MAP3K2: variants seen among roughly 807,000 people sequenced by gnomAD.
MAP3K2 encodes MAP/ERK kinase kinase 2.
Under a neutral mutation model 80.3 loss-of-function variants are expected in MAP3K2, and 24 were observed. That is an observed-to-expected ratio of 0.30 (90% confidence interval 0.22 to 0.42). The LOEUF is 0.42. Ranked by LOEUF, MAP3K2 falls within the 10% of genes least tolerant of loss-of-function variation. The pLI, the probability that MAP3K2 is intolerant of heterozygous loss-of-function variation, is 1.00. For synonymous variants in MAP3K2, 244 were observed against 253.7 expected (o/e 0.96, Z 0.36); for missense variants, 608 against 750.1 (o/e 0.81, Z 2.21).
rs1453688198 is a variant in MAP3K2, at chr2:127,340,062, AT to A, written c.5-1013del. Among the ~76,000 whole-genome samples, 4 of 152,280 alleles carry A rather than the reference AT, an allele frequency of 2.6e-5. No individual in the cohort carries two copies. The South Asian group carries it at 8.3e-4, about 32-fold the overall frequency. On this transcript the variant is annotated intron_variant, in intron 2 of 16. Transcript: ENST00000682094. ...AACAGCTGACTTCTCTAATTTACTA[AT>A]TTTTAATAACACTTAATATAGTCTA...
At chr2:127,330,061 C>T (rs1573987303) in intron 6 of MAP3K2, 53 bp from the exon 7 acceptor site, 1 of 1,020,774 alleles carries the variant, frequency 9.8e-7, no homozygotes. Context: ...GGGCTTTAAA[C>T]AGAATCCTCT....
chr2:127,357,073 A>G (rs1686809838), intron 1 of MAP3K2, among the ~76,000 whole-genome samples: 1 of 152,248 alleles, frequency 6.6e-6, no homozygotes, highest in South Asian at 2.1e-4. Flanking sequence ...GGCAAAGGAC[A>G]TGAACAGACA....
chr2:127,368,305 G>A (rs1299634711), intron 1 of MAP3K2, among the ~76,000 whole-genome samples: 2 of 145,874 alleles, frequency 1.4e-5, no homozygotes, highest in Non-Finnish European at 3.0e-5. Flanking sequence ...CTGGGTGACA[G>A]AACAAGACAC....
intron 5 of MAP3K2, among the ~76,000 whole-genome samples, chr2:127,331,209 T>A (rs1046494484): frequency 3.3e-5 from 5 of 152,184 alleles, no homozygotes; most frequent in African/African-American, 1.2e-4. Context: ...TGAGAAAAAG[T>A]GTAATTCATA....
chr2:127,374,513 C>T (rs550155074), intron 1 of MAP3K2, among the ~76,000 whole-genome samples: 57 of 152,292 alleles, frequency 3.7e-4, no homozygotes, highest in Middle Eastern at 3.4e-3. Flanking sequence ...AAACAAATTA[C>T]CCTACAATGC....
intron 1 of MAP3K2, among the ~76,000 whole-genome samples, chr2:127,377,467 T>C (rs754395919): frequency 5.2e-4 from 79 of 152,068 alleles, no homozygotes; most frequent in African/African-American, 1.6e-3. Flanking sequence ...ATATATGTAT[T>C]CCAGTGCGTA....
At chr2:127,329,576 C>T (rs376580630) in intron 7 of MAP3K2, among the ~76,000 whole-genome samples, 100 of 152,186 alleles carry the variant, frequency 6.6e-4, no homozygotes, top group African/African-American at 2.3e-3. Context: ...AGGATGGTCT[C>T]GATCTCTTGA....
intron 1 of MAP3K2, among the ~76,000 whole-genome samples, chr2:127,353,347 C>T (rs1381585316): frequency 2.0e-5 from 3 of 151,230 alleles, no homozygotes; most frequent in African/African-American, 4.9e-5. Context: ...TCCGCCCGGC[C>T]GTGACCCCGT....
chr2:127,352,989 G>A (rs1686721904), intron 1 of MAP3K2, among the ~76,000 whole-genome samples: 2 of 152,122 alleles, frequency 1.3e-5, no homozygotes, highest in South Asian at 2.1e-4. Flanking sequence ...ATGGAGTCTC[G>A]TTCACTCAGT....
chr2:127,387,607 C>G lies in MAP3K2; in HGVS notation c.-221G>C, dbSNP rs1445321991. On this transcript the variant is annotated 5_prime_UTR_variant, in exon 1 of 17. Coordinates refer to ENST00000682094, the MANE Select transcript of MAP3K2 (RefSeq NM_001371910.2). ...CCGGAGGGGCGCGCGAGGAGTCGGG[C>G]GCGGGCCTTGGGGCCAGGCCCGTCC... 15 of 984,804 alleles carry G rather than the reference C, an allele frequency of 1.5e-5. No homozygotes were observed. The highest frequency in any genetic ancestry group is 1.8e-5 in the Non-Finnish European group (15 of 829,764). The allele number at this position is 984,804 out of a possible 1,614,324, so 61.0% of individuals were successfully genotyped here. A position where few individuals can be genotyped will look rare whatever the true frequency, so the allele number is the denominator to read the frequency against.
At chr2:127,373,629 C>T (rs1181812958) in intron 1 of MAP3K2, among the ~76,000 whole-genome samples, 4 of 152,184 alleles carry the variant, frequency 2.6e-5, no homozygotes, top group African/African-American at 9.7e-5. Flanking sequence ...TCGCACAGAT[C>T]CATGATATTC....
chr2:127,326,203 CATT>C (rs1351283505), intron 8 of MAP3K2, among the ~76,000 whole-genome samples: 1 of 142,018 alleles, frequency 7.0e-6, no homozygotes, highest in Non-Finnish European at 1.5e-5. Flanking sequence ...ATGACTATTA[CATT>C]ATTAGAAAAT....
chr2:127,349,341 T>C (rs1219591832), intron 1 of MAP3K2, among the ~76,000 whole-genome samples: 2 of 152,020 alleles, frequency 1.3e-5, no homozygotes, highest in Non-Finnish European at 2.9e-5. Context: ...GTTTTTGTTT[T>C]TGTTTTTTTA....
intron 1 of MAP3K2, among the ~76,000 whole-genome samples, chr2:127,382,773 G>A (rs990228335): frequency 2.0e-5 from 3 of 152,212 alleles, no homozygotes; most frequent in African/African-American, 7.2e-5. Context: ...TGATCCGCCT[G>A]CCTTGGCCTC....
At chr2:127,384,588 C>T (rs1203543444) in intron 1 of MAP3K2, among the ~76,000 whole-genome samples, 1 of 151,820 alleles carries the variant, frequency 6.6e-6, no homozygotes, top group African/African-American at 2.4e-5. Flanking sequence ...ACGGAAAGAG[C>T]AAGAGAACTA....
At position 127,338,185 on chromosome 2, in the gene MAP3K2, C is replaced by A. The variant is rs552925799; in HGVS notation, c.124-407G>T. ...ACTATTTGAAGAACAAAACAAAACA[C>A]AATTTGCTTAAGTGCTTGAAAAATG... On this transcript the variant is annotated intron_variant, in intron 3 of 16. Transcript: ENST00000682094. 6.0e-4 allele frequency among the ~76,000 whole-genome samples: 92 copies of A among 152,270 alleles called. 1 individual carries two copies. The highest frequency in any genetic ancestry group is 2.1e-3 in the African/African-American group (86 of 41,556).
rs756602283 is a variant in MAP3K2 at position 127,314,851 on chromosome 2, G to A, written c.1359C>T (p.Gly453=). 39 of 1,609,662 alleles carry A rather than the reference G, an allele frequency of 2.4e-5. No individual in the cohort carries two copies. Among genetic ancestry groups the A allele is most frequent in the East Asian group, 4.5e-5 (2 of 44,844 alleles). ...TCCTAGTCACATTCTCAGTAAGAGC[G>A]CCATATGCTTTTAATTGGTCCTTAA... The part of the protein sequence containing the change: ...GSIKDQLKAY[G]ALTENVTRKY... The change falls in exon 15 of 17, where the codon GGC becomes GGT. Residue 453 remains glycine, a synonymous_variant. Coordinates refer to ENST00000682094, the MANE Select transcript of MAP3K2 (RefSeq NM_001371910.2).
chr2:127,311,836 G>A (rs907789076), intron 15 of MAP3K2, among the ~76,000 whole-genome samples: 1 of 151,624 alleles, frequency 6.6e-6, no homozygotes, highest in African/African-American at 2.4e-5. Context: ...CCATACATTG[G>A]GAGTCACTGA....
intron 1 of MAP3K2, among the ~76,000 whole-genome samples, chr2:127,353,423 C>T (rs1357964878): frequency 6.6e-6 from 1 of 151,814 alleles, no homozygotes; most frequent in Non-Finnish European, 1.5e-5. Flanking sequence ...CTCCGCCCGG[C>T]AGCCGCCCCG....
Sources: gnomAD v4.1 joint callset for allele counts (sites outside exome capture counted in the v4.1 genomes callset) on GRCh38, gnomAD v4.1.1 for gene constraint, MANE v1.5 for transcripts, NCBI Gene and HGNC (gene_info 2026-07-23, HGNC 2026-07-21) for gene names.